Variants in SLC4A3 observed in about 807,000 individuals in gnomAD.
The protein encoded by SLC4A3 is anion exchange protein 3.
A neutral mutation model predicts 114.2 loss-of-function variants in SLC4A3; 47 were observed. That is an observed-to-expected ratio of 0.41 (90% CI 0.33 to 0.52). The LOEUF is 0.52. SLC4A3 is among the 20% of genes least tolerant of loss of function. The pLI is 0.21. For synonymous variants in SLC4A3, 693 were observed against 710.3 expected (o/e 0.98, Z 0.39); for missense variants, 1,312 against 1,668.3 (o/e 0.79, Z 3.72).
At chr2:219,634,975 A>G (rs1010061054) in intron 12 of SLC4A3, among the ~76,000 whole-genome samples, 2 of 152,156 alleles carry the variant, frequency 1.3e-5, no homozygotes, top group Non-Finnish European at 2.9e-5. Flanking sequence ...AGCTGATCCA[A>G]TTGGAATGGC....
Position 219,638,280 on chromosome 2 carries a change from T to C in SLC4A3, c.2856+27T>C. ...TGAGGGAGCCCCAGCCTGTGGCAGCTGCTGTCACCCCCAGGCCAGGAGAGG... is the reference window on the plus strand; with the variant it reads ...TGAGGGAGCCCCAGCCTGTGGCAGCCGCTGTCACCCCCAGGCCAGGAGAGG... On this transcript the variant is annotated intron_variant, in intron 18 of 22. Transcript: ENST00000358055. The surrounding 1 kb of genome is among the most constrained non-coding windows in gnomAD (Gnocchi z 7.5). 6.5e-7 allele frequency: 1 copy of C among 1,540,194 alleles called. No individual in the cohort carries two copies. The highest frequency in any genetic ancestry group is 1.1e-5 in the South Asian group (1 of 88,194).
chr2:219,631,066 G>T lies in SLC4A3; in HGVS notation c.811+714G>T. 1 of 1,074,230 alleles carries T rather than the reference G, an allele frequency of 9.3e-7. No individual in the cohort carries two copies. Among genetic ancestry groups the T allele is most frequent in the Non-Finnish European group, 1.1e-6 (1 of 873,010 alleles). The allele number at this position is 1,074,230 out of a possible 1,614,324, so 66.5% of individuals were successfully genotyped here. A position where few individuals can be genotyped will look rare whatever the true frequency, so the allele number is the denominator to read the frequency against. On this transcript the variant is annotated intron_variant, in intron 6 of 22. Coordinates refer to ENST00000358055, the MANE Select transcript of SLC4A3 (RefSeq NM_005070.4). This position sits in a 1 kb window ranked among gnomAD's most constrained non-coding sequence, Gnocchi z 6.3. ...GGGAGGGCGTGTTTACAGACCCAGGGTGGGGGCTGGATGCCGCAGGGAGCA... is the reference window on the plus strand; with the variant it reads ...GGGAGGGCGTGTTTACAGACCCAGGTTGGGGGCTGGATGCCGCAGGGAGCA...
intron 5 of SLC4A3, 199 bp from the exon 6 acceptor site, chr2:219,629,954 A>C: frequency 1.0e-6 from 1 of 992,508 alleles, no homozygotes; most frequent in Non-Finnish European, 1.5e-6. Context: ...GTGACAGAGT[A>C]GAGAGGGTGA....
Position 219,630,828 on chromosome 2 carries a change from C to T in SLC4A3, c.811+476C>T, listed in dbSNP as rs555345223. On this transcript the variant is annotated intron_variant, in intron 6 of 22. Transcript: ENST00000358055. This position sits in a 1 kb window ranked among gnomAD's most constrained non-coding sequence, Gnocchi z 6.9. ...GCACATTCCTTCCATCTTATCAGTGCCCTGGTTTCTGTGCCACCTGTCATC... is the reference window on the plus strand; with the variant it reads ...GCACATTCCTTCCATCTTATCAGTGTCCTGGTTTCTGTGCCACCTGTCATC... Among the ~76,000 whole-genome samples, 1 of 152,284 alleles carries T rather than the reference C, an allele frequency of 6.6e-6. No homozygotes were observed. The highest frequency in any genetic ancestry group is 2.1e-4 in the South Asian group (1 of 4,822).
intron 1 of SLC4A3, 41 bp downstream of exon 1, chr2:219,627,786 G>C: frequency 7.2e-6 from 3 of 419,450 alleles, no homozygotes; most frequent in Middle Eastern, 6.3e-4. Context: ...CGGGGGACCC[G>C]GGCTGTCCCG....
At chr2:219,629,812 A>T in intron 5 of SLC4A3, 117 bp downstream of exon 5, 1 of 277,128 alleles carries the variant, frequency 3.6e-6, no homozygotes, top group East Asian at 1.2e-4. Flanking sequence ...CCCTGAGAAA[A>T]GAGGAGCAGG....
Position 219,639,415 on chromosome 2 carries a change from C to A in SLC4A3, c.3024-67C>A. ...CCCCCCACCATCTCGTCTCTGTGTG[C>A]GTGCCTGTCTTTGTCCCCTGCCCCT... is the stretch of plus-strand genomic sequence containing the variant. On this transcript the variant is annotated intron_variant, in intron 19 of 22. Coordinates refer to ENST00000358055, the MANE Select transcript of SLC4A3 (RefSeq NM_005070.4). The surrounding 1 kb of genome is among the most constrained non-coding windows in gnomAD (Gnocchi z 5.9). 1.3e-6 allele frequency: 2 copies of A among 1,558,470 alleles called. No homozygotes were observed. Among genetic ancestry groups the A allele is most frequent in the East Asian group, 2.3e-5 (1 of 44,344 alleles).
Position 219,638,342 on chromosome 2 carries a change from G to T in SLC4A3, c.2856+89G>T, listed in dbSNP as rs1314593618. 3 of 1,081,756 alleles carry T rather than the reference G, an allele frequency of 2.8e-6. No individual in the cohort carries two copies. Among genetic ancestry groups the T allele is most frequent in the Non-Finnish European group, 4.1e-6 (3 of 726,332 alleles). 67.0% of individuals were successfully genotyped at this position (1,081,756 alleles called of 1,614,324 possible). On this transcript the variant is annotated intron_variant, in intron 18 of 22. Transcript: ENST00000358055. The surrounding 1 kb of genome is among the most constrained non-coding windows in gnomAD (Gnocchi z 7.5). ...ACACTTCCATGGGCCCTGGGATTGGGATCAGGCCTGAACTCAACTTTCCCA... is the reference window on the plus strand; with the variant it reads ...ACACTTCCATGGGCCCTGGGATTGGTATCAGGCCTGAACTCAACTTTCCCA...
In SLC4A3 at chr2:219,635,761, G is replaced by T; in HGVS notation, c.2061G>T (p.Arg687=). 1 of 1,595,012 alleles carries T rather than the reference G, an allele frequency of 6.3e-7. No homozygotes were observed. The highest frequency in any genetic ancestry group is 8.5e-7 in the Non-Finnish European group (1 of 1,173,288). Residue 687 remains arginine (R), a synonymous_variant, in exon 14 of 23, where the codon CGG becomes CGT. Transcript: ENST00000358055. The part of the protein sequence containing the change: ...RTGSVFGGLV[R]DVRRRYPHYP... Reference sequence around the variant, plus strand: ...GCTCGGTATTTGGGGGGCTTGTGCGGGATGTGAGGCGCCGGTACCCGCACT... The same window carrying T: ...GCTCGGTATTTGGGGGGCTTGTGCGTGATGTGAGGCGCCGGTACCCGCACT...
In SLC4A3 at chr2:219,637,754, C is replaced by T. The variant is rs768843587; in HGVS notation, c.2709C>T (p.Thr903=). ...TCTCACTCATCCTCATGCTCGGGAC[C>T]TTCTTCATAGCCTTCTTCCTGCGCA... ...ALLSLILMLG[T]FFIAFFLRKF... The change falls in exon 17 of 23, where the codon ACC becomes ACT. Residue 903 remains threonine, a synonymous_variant. Coordinates refer to ENST00000358055, the MANE Select transcript of SLC4A3 (RefSeq NM_005070.4). The surrounding 1 kb of genome is among the most constrained non-coding windows in gnomAD (Gnocchi z 4.6). 58 of 1,613,868 alleles carry T rather than the reference C, an allele frequency of 3.6e-5. No homozygotes were observed. Among genetic ancestry groups the T allele is most frequent in the Non-Finnish European group, 4.6e-5 (54 of 1,179,910 alleles).
In SLC4A3 at chr2:219,630,433, C is replaced by G; in HGVS notation, c.811+81C>G. ...CGAGTGACCTTGGAGAGGCTCTGAGCTGTCCCCTGCTAAGGGCTGAGTCCT... is the reference window on the plus strand; with the variant it reads ...CGAGTGACCTTGGAGAGGCTCTGAGGTGTCCCCTGCTAAGGGCTGAGTCCT... On this transcript the variant is annotated intron_variant, in intron 6 of 22. Transcript: ENST00000358055. The surrounding 1 kb of genome is among the most constrained non-coding windows in gnomAD (Gnocchi z 6.9). 1 of 1,436,996 alleles carries G rather than the reference C, an allele frequency of 7.0e-7. No individual in the cohort carries two copies. Among genetic ancestry groups the G allele is most frequent in the Admixed American group, 2.1e-5 (1 of 48,376 alleles). The allele number at this position is 1,436,996 out of a possible 1,614,324, so 89.0% of individuals were successfully genotyped here.
Position 219,634,476 on chromosome 2 carries a change from G to C in SLC4A3, c.1618G>C (p.Val540Leu). 1 of 1,614,160 alleles carries C rather than the reference G, an allele frequency of 6.2e-7. No individual in the cohort carries two copies. The highest frequency in any genetic ancestry group is 8.5e-7 in the Non-Finnish European group (1 of 1,180,028). The change falls in exon 12 of 23, where the codon GTA becomes CTA. Residue 540 changes from valine (V) to leucine (L), a missense_variant. This residue lies in a region of SLC4A3 where 771 missense variants were observed against 977.7 expected (regional missense o/e 0.79). Transcript: ENST00000358055. ...AAAFVRLNEA[V>L]LLESVLEVPV... is the part of the protein sequence containing the mutation. ...AGCCTTCGTGCGTCTGAATGAGGCT[G>C]TACTCCTGGAGTCTGTGCTTGAGGT...
rs1404318577 is a variant in SLC4A3, at chr2:219,638,237, C to T, written c.2840C>T (p.Thr947Ile). 3 of 1,611,482 alleles carry T rather than the reference C, an allele frequency of 1.9e-6. No individual in the cohort carries two copies. Among genetic ancestry groups the T allele is most frequent in the African/African-American group, 1.3e-5 (1 of 74,892 alleles). ...LVMVLVDYSI[T>I]DTYTQKLTVP... is the part of the protein sequence containing the mutation. Reference sequence around the variant, plus strand: ...ATGGTCCTGGTGGATTACTCCATCACAGACACCTACACGCAGGTGAGGGAG... The same window carrying T: ...ATGGTCCTGGTGGATTACTCCATCATAGACACCTACACGCAGGTGAGGGAG... Residue 947 changes from threonine (T) to isoleucine (I), a missense_variant, in exon 18 of 23, where the codon ACA becomes ATA. Thr to Ile is a moderately conservative substitution (Grantham distance 89). This residue lies in a region of SLC4A3 where 301 missense variants were observed against 460.7 expected (regional missense o/e 0.65). Transcript: ENST00000358055. This position sits in a 1 kb window ranked among gnomAD's most constrained non-coding sequence, Gnocchi z 7.5.
In SLC4A3 at chr2:219,641,086, T is replaced by A; in HGVS notation, c.3621+124T>A. 1 of 897,216 alleles carries A rather than the reference T, an allele frequency of 1.1e-6. No individual in the cohort carries two copies. Among genetic ancestry groups the A allele is most frequent in the Non-Finnish European group, 1.7e-6 (1 of 590,770 alleles). The allele number at this position is 897,216 out of a possible 1,614,324, so 55.6% of individuals were successfully genotyped here. ...TGTGTAACTTGTGTTGCAAGTTATCTCACCTTCCGAAATCTTATTTTCACC... is the reference window on the plus strand; with the variant it reads ...TGTGTAACTTGTGTTGCAAGTTATCACACCTTCCGAAATCTTATTTTCACC... On this transcript the variant is annotated intron_variant, in intron 22 of 22. Transcript: ENST00000358055. The surrounding 1 kb of genome is among the most constrained non-coding windows in gnomAD (Gnocchi z 4.0).
At position 219,636,750 on chromosome 2, in the gene SLC4A3, T is replaced by C; in HGVS notation, c.2411T>C (p.Val804Ala). The C allele has an allele frequency of 6.2e-7, 1 of 1,614,028 alleles. No homozygotes were observed. The highest frequency in any genetic ancestry group is 8.5e-7 in the Non-Finnish European group (1 of 1,179,970). ...GTTGGTCTCTGGCTGGTGGTCTTCG[T>C]CCTTGCCCTGGTGGCCGCCGAAGGC... is the stretch of plus-strand genomic sequence containing the variant. ...VWVGLWLVVF[V>A]LALVAAEGSF... The change falls in exon 16 of 23, where the codon GTC becomes GCC. Residue 804 changes from valine (V) to alanine (A), a missense_variant. Physicochemically the swap from Val to Ala is moderately conservative, Grantham distance 64 (BLOSUM62 0). Transcript: ENST00000358055. The surrounding 1 kb of genome is among the most constrained non-coding windows in gnomAD (Gnocchi z 5.5).
At chr2:219,634,107 G>C in intron 11 of SLC4A3, 128 bp downstream of exon 11, 1 of 1,140,674 alleles carries the variant, frequency 8.8e-7, no homozygotes, top group Non-Finnish European at 1.2e-6. Context: ...CCTGGTCCCT[G>C]CTCTTCCTCA....
In SLC4A3 at chr2:219,640,638, C is replaced by T. The variant is rs142521241; in HGVS notation, c.3447+39C>T. ...GCATGGGGGTAGGGCAGTGGGGTGACGGGAAGGGGATCCAGAGGGATCTGG... is the reference window on the plus strand; with the variant it reads ...GCATGGGGGTAGGGCAGTGGGGTGATGGGAAGGGGATCCAGAGGGATCTGG... On this transcript the variant is annotated intron_variant, in intron 21 of 22. Coordinates refer to ENST00000358055, the MANE Select transcript of SLC4A3 (RefSeq NM_005070.4). 1,151 of 1,600,418 alleles carry T rather than the reference C, an allele frequency of 7.2e-4. 6 individuals are homozygous for T. In the African/African-American group the frequency reaches 0.013, roughly 18 times the overall value.
intron 9 of SLC4A3, 98 bp downstream of exon 9, chr2:219,633,107 A>G: frequency 6.8e-7 from 1 of 1,474,696 alleles, no homozygotes; most frequent in Non-Finnish European, 9.3e-7. Flanking sequence ...CTTGAATGCC[A>G]CAAGTGACAG....
chr2:219,632,601 C>T (rs574156184), intron 8 of SLC4A3, among the ~76,000 whole-genome samples, 159 bp downstream of exon 8: 35 of 152,362 alleles, frequency 2.3e-4, no homozygotes, highest in African/African-American at 7.2e-4. Context: ...CCGTGAGCCC[C>T]GAGGGGCAGG....
Sources: allele counts gnomAD v4.1 joint callset (sites outside exome capture counted in the v4.1 genomes callset), GRCh38; gene constraint gnomAD v4.1.1; regional missense constraint gnomAD v4.1.1; non-coding constraint Gnocchi (gnomAD v3.1); transcripts MANE v1.5; gene names NCBI Gene and HGNC (gene_info 2026-07-23, HGNC 2026-07-21).